Variants in HELT observed in about 807,000 individuals in gnomAD.
The protein encoded by HELT is helt bHLH transcription factor.
In HELT, 9 loss-of-function variants were observed where a neutral mutation model predicts 19.5. The observed-to-expected ratio is 0.46, with a 90% CI of 0.28 to 0.80. HELT has a LOEUF of 0.80. Among genes scored for constraint, HELT ranks in the 30% least tolerant of loss-of-function variants. HELT has a pLI of 0.12. For synonymous variants in HELT, 162 were observed against 148.3 expected, an observed-to-expected ratio of 1.09 and a Z score of -0.67; for missense variants, 366 against 326.3, an observed-to-expected ratio of 1.12 and a Z score of -0.94.
chr4:185,020,865 C>CA lies in HELT; in HGVS notation c.*98dup. The CA allele has an allele frequency of 7.2e-7, 1 of 1,389,444 alleles. No homozygotes were observed. The highest frequency in any genetic ancestry group is 9.3e-7 in the Non-Finnish European group (1 of 1,071,202). The allele number at this position is 1,389,444 out of a possible 1,614,324, so 86.1% of individuals were successfully genotyped here. A position where few individuals can be genotyped will look rare whatever the true frequency, so the allele number is the denominator to read the frequency against. ...CACATAATGTGTAAATATTGTACCC[C>CA]AAAAATCTGGGCTGGGGGAGGCAAA... On this transcript the variant is annotated 3_prime_UTR_variant, in exon 4 of 4. Transcript: ENST00000515777.
Position 185,020,946 on chromosome 4 carries a change from G to T in HELT, c.*174G>T. ...CTGGTAATAAACGTTTTCTGATAAA[G>T]ACCCAAAGAGAGGGATTTATGTATT... is the stretch of plus-strand genomic sequence containing the variant. On this transcript the variant is annotated 3_prime_UTR_variant, in exon 4 of 4. Coordinates refer to ENST00000515777, the MANE Select transcript of HELT (RefSeq NM_001300781.2). 1.3e-6 allele frequency: 1 copy of T among 787,420 alleles called. No individual in the cohort carries two copies. The highest frequency in any genetic ancestry group is 1.8e-6 in the Non-Finnish European group (1 of 547,514). The allele number at this position is 787,420 out of a possible 1,614,324, so 48.8% of individuals were successfully genotyped here. A position where few individuals can be genotyped will look rare whatever the true frequency, so the allele number is the denominator to read the frequency against.
Position 185,020,532 on chromosome 4 carries a change from G to A in HELT, c.489G>A (p.Glu163=). 6.2e-7 allele frequency: 1 copy of A among 1,608,848 alleles called. No homozygotes were observed. Residue 163 remains glutamate, a synonymous_variant, in exon 4 of 4, where the codon GAG becomes GAA. Coordinates refer to ENST00000515777, the MANE Select transcript of HELT (RefSeq NM_001300781.2). ...AATTCGCTGGTCACAGCCCGGGCGA[G>A]GCCGCTGTGTTCCCGCAGGGCTCTG... is the stretch of plus-strand genomic sequence containing the variant. ...GPEFAGHSPG[E]AAVFPQGSGA...
intron 2 of HELT, 114 bp downstream of exon 2, chr4:185,019,605 G>A (rs780561084): frequency 6.3e-6 from 10 of 1,577,892 alleles, no homozygotes; most frequent in Non-Finnish European, 8.6e-6. Flanking sequence ...CCCCTCCCAG[G>A]CGGGGGGCCT....
rs1733961963 is a variant in HELT, at chr4:185,018,574, G to A, written c.-355G>A. 6.6e-6 allele frequency among the ~76,000 whole-genome samples: 1 copy of A among 152,058 alleles called. No homozygotes were observed. ...AGTTTACCGCCTCCTTTTCCCGCCC[G>A]AGCTGTTGCCATGCAAATGTTATTC... On this transcript the variant is annotated 5_prime_UTR_variant, in exon 1 of 4. Coordinates refer to ENST00000515777, the MANE Select transcript of HELT (RefSeq NM_001300781.2).
chr4:185,019,286 T>C, intron 1 of HELT, 101 bp from the exon 2 acceptor site: 1 of 1,150,182 alleles, frequency 8.7e-7, no homozygotes, highest in Non-Finnish European at 1.3e-6. Flanking sequence ...ATCTGAGCAG[T>C]GTGCGCGGCT....
chr4:185,019,347 C>T lies in HELT; in HGVS notation c.28-40C>T, dbSNP rs1193053517. 4 of 1,534,134 alleles carry T rather than the reference C, an allele frequency of 2.6e-6. No homozygotes were observed. In the Admixed American group the frequency reaches 5.5e-5, roughly 21 times the overall value. ...TAGAGCCGCGCCTTTGACGACTTCC[C>T]GGGCAAAGCCATCCTAAACATACAA... On this transcript the variant is annotated intron_variant, in intron 1 of 3. Transcript: ENST00000515777.
rs1561323960 is a variant in HELT, at chr4:185,019,365, A to AT, written c.28-22_28-21insT. On this transcript the variant is annotated intron_variant, in intron 1 of 3. Coordinates refer to ENST00000515777, the MANE Select transcript of HELT (RefSeq NM_001300781.2). Reference sequence around the variant, plus strand: ...GACTTCCCGGGCAAAGCCATCCTAAACATACAACCCTCTCTTCGCAGAGAA... The same window carrying AT: ...GACTTCCCGGGCAAAGCCATCCTAAATCATACAACCCTCTCTTCGCAGAGAA... The AT allele has an allele frequency of 1.9e-6, 3 of 1,588,820 alleles. No individual in the cohort carries two copies. The South Asian group carries it at 3.4e-5, about 18-fold the overall frequency.
chr4:185,020,642 G>T lies in HELT; in HGVS notation c.599G>T (p.Ser200Ile), dbSNP rs780383731. The change falls in exon 4 of 4, where the codon AGC becomes ATC. Residue 200 changes from serine to isoleucine, a missense_variant. Physicochemically the swap from Ser to Ile is moderately radical, Grantham distance 142 (BLOSUM62 -2). Coordinates refer to ENST00000515777, the MANE Select transcript of HELT (RefSeq NM_001300781.2). ...CCCAGCGCGCCAGTGCCGCTCGCTA[G>T]CCCAGCGCAGCAGCACAGCCCCTTC... ...YLPSAPVPLA[S>I]PAQQHSPFLT... 6.2e-7 allele frequency: 1 copy of T among 1,603,816 alleles called. No individual in the cohort carries two copies. The highest frequency in any genetic ancestry group is 1.7e-5 in the Admixed American group (1 of 59,924).
In HELT at chr4:185,019,452, C is replaced by A. The variant is rs1226380184; in HGVS notation, c.93C>A (p.Asn31Lys). The A allele has an allele frequency of 3.7e-6, 6 of 1,612,910 alleles. No individual in the cohort carries two copies. Among genetic ancestry groups the A allele is most frequent in the Non-Finnish European group, 5.1e-6 (6 of 1,179,418 alleles). Reference protein sequence around the residue: ...RRRDRINRCLNELGKTVPMAL... With the variant: ...RRRDRINRCLKELGKTVPMAL... Reference sequence around the variant, plus strand: ...GGGACAGGATCAACCGCTGCTTGAACGAGCTGGGCAAGACAGTGCCCATGG... The same window carrying A: ...GGGACAGGATCAACCGCTGCTTGAAAGAGCTGGGCAAGACAGTGCCCATGG... The change falls in exon 2 of 4, where the codon AAC becomes AAA. Residue 31 changes from asparagine to lysine, a missense_variant. By Grantham distance (94) the Asn-to-Lys change is moderately conservative (BLOSUM62 0). Transcript: ENST00000515777.
rs1392644285 is a variant in HELT, at chr4:185,018,893, C to A, written c.-36C>A. On this transcript the variant is annotated 5_prime_UTR_variant, in exon 1 of 4. Transcript: ENST00000515777. ...GGCGGAAAAGTGGACGGGTGCCCCGCGCCACCGCCTCTCCCGAGGGCGCGT... is the reference window on the plus strand; with the variant it reads ...GGCGGAAAAGTGGACGGGTGCCCCGAGCCACCGCCTCTCCCGAGGGCGCGT... 2 of 1,550,092 alleles carry A rather than the reference C, an allele frequency of 1.3e-6. No individual in the cohort carries two copies. Among genetic ancestry groups the A allele is most frequent in the East Asian group, 4.6e-5 (2 of 43,650 alleles).
In HELT at chr4:185,019,769, C is replaced by T. The variant is rs753315506; in HGVS notation, c.155C>T (p.Ala52Val). 6.2e-7 allele frequency: 1 copy of T among 1,613,662 alleles called. No individual in the cohort carries two copies. Among genetic ancestry groups the T allele is most frequent in the Admixed American group, 1.7e-5 (1 of 60,022 alleles). Residue 52 changes from alanine (A) to valine (V), a missense_variant, in exon 3 of 4, where the codon GCG (alanine) becomes GTG (valine). Ala to Val is a moderately conservative substitution (Grantham distance 64). Transcript: ENST00000515777. ...CAGAGTTCCGGGAAGCTGGAGAAGGCGGAGATCCTCGAGATGACCGTTCAG... is the reference window on the plus strand; with the variant it reads ...CAGAGTTCCGGGAAGCTGGAGAAGGTGGAGATCCTCGAGATGACCGTTCAG... ...AKQSSGKLEKAEILEMTVQYL... is the reference protein window; with the variant it reads ...AKQSSGKLEKVEILEMTVQYL...
At chr4:185,020,159 A>C in intron 3 of HELT, 114 bp from the exon 4 acceptor site, 2 of 1,467,768 alleles carry the variant, frequency 1.4e-6, no homozygotes, top group Non-Finnish European at 1.9e-6. Flanking sequence ...GCGGGCCTCA[A>C]ATGGGAACTT....
chr4:185,019,045 G>A lies in HELT; in HGVS notation c.27+90G>A, dbSNP rs150313345. On this transcript the variant is annotated intron_variant, in intron 1 of 3. Transcript: ENST00000515777. ...GCCACTTGGGTGGACCGATGGCAGG[G>A]AAGTGCCCGCACGGGACTTTGAGTG... 45 of 1,613,866 alleles carry A rather than the reference G, an allele frequency of 2.8e-5. No individual in the cohort carries two copies. The African/African-American group carries it at 5.1e-4, about 18-fold the overall frequency.
chr4:185,019,317 GC>G, intron 1 of HELT, 69 bp from the exon 2 acceptor site: 1 of 1,346,190 alleles, frequency 7.4e-7, no homozygotes, highest in Admixed American at 2.0e-5. Context: ...CTTGCACCCA[GC>G]TGCTAGAGCC....
chr4:185,019,325 A>G, intron 1 of HELT, 62 bp from the exon 2 acceptor site: 1 of 1,403,538 alleles, frequency 7.1e-7, no homozygotes, highest in Non-Finnish European at 9.9e-7. Context: ...CAGCTGCTAG[A>G]GCCGCGCCTT....
In HELT at chr4:185,019,754, G is replaced by A; in HGVS notation, c.140G>A (p.Gly47Glu). The A allele has an allele frequency of 6.2e-7, 1 of 1,613,544 alleles. No homozygotes were observed. Among genetic ancestry groups the A allele is most frequent in the South Asian group, 1.1e-5 (1 of 91,040 alleles). Residue 47 changes from glycine to glutamate, a missense_variant, in exon 3 of 4, where the codon GGG becomes GAG. Physicochemically the swap from Gly to Glu is moderately conservative, Grantham distance 98. Coordinates refer to ENST00000515777, the MANE Select transcript of HELT (RefSeq NM_001300781.2). Reference protein sequence around the residue: ...VPMALAKQSSGKLEKAEILEM... With the variant: ...VPMALAKQSSEKLEKAEILEM... Reference sequence around the variant, plus strand: ...CCCTTCCTCCTTTTGCAGAGTTCCGGGAAGCTGGAGAAGGCGGAGATCCTC... The same window carrying A: ...CCCTTCCTCCTTTTGCAGAGTTCCGAGAAGCTGGAGAAGGCGGAGATCCTC...
rs781329634 is a variant in HELT, at chr4:185,020,263, G to A, written c.230-10G>A. 2 of 1,609,778 alleles carry A rather than the reference G, an allele frequency of 1.2e-6. No individual in the cohort carries two copies. The highest frequency in any genetic ancestry group is 3.3e-5 in the Admixed American group (2 of 59,926). ...GTGTGTCCGTCCTACGGGCTTTCTC[G>A]TTCCTCCAGCAGAACTTCTAGCGGA... On this transcript the variant is annotated splice_polypyrimidine_tract_variant and intron_variant, in intron 3 of 3. Coordinates refer to ENST00000515777, the MANE Select transcript of HELT (RefSeq NM_001300781.2).
intron 1 of HELT, 164 bp downstream of exon 1, chr4:185,019,119 G>T (rs924973619): frequency 1.9e-6 from 3 of 1,582,990 alleles, no homozygotes; most frequent in Non-Finnish European, 2.6e-6. Flanking sequence ...GAGAGAGGAG[G>T]GTGCTCAACC....
intron 1 of HELT, 81 bp downstream of exon 1, chr4:185,019,036 G>A (rs775151655): frequency 1.2e-6 from 2 of 1,614,034 alleles, no homozygotes; most frequent in East Asian, 2.2e-5. Flanking sequence ...TGGGTGGACC[G>A]ATGGCAGGGA....
Sources: gnomAD v4.1 joint callset for allele counts (sites outside exome capture counted in the v4.1 genomes callset) on GRCh38, gnomAD v4.1.1 for gene constraint, MANE v1.5 for transcripts, NCBI Gene and HGNC (gene_info 2026-07-23, HGNC 2026-07-21) for gene names.